GABRR3: variants seen among roughly 807,000 people sequenced by gnomAD.
The protein encoded by GABRR3 is gamma-aminobutyric acid type A receptor subunit rho3.
In GABRR3, 29 loss-of-function variants were observed where a neutral mutation model predicts 43.2. The observed-to-expected ratio is 0.67, with a 90% CI of 0.50 to 0.92. The LOEUF is 0.92. GABRR3 is among the 40% of genes least tolerant of loss of function. The probability of loss-of-function intolerance (pLI) is 0.00; values close to 1 mark genes in which losing one functional copy is unlikely to be tolerated. For missense variants in GABRR3, 576 were observed against 572.3 expected (o/e 1.01, Z -0.07); for synonymous variants, 206 against 195.9 (o/e 1.05, Z -0.43).
At chr3:98,033,711 G>C (rs1707119753) in intron 2 of GABRR3, among the ~76,000 whole-genome samples, 2 of 152,094 alleles carry the variant, frequency 1.3e-5, no homozygotes, top group African/African-American at 4.8e-5. Flanking sequence ...GAGTCTGGTG[G>C]TACACTCTTA....
intron 5 of GABRR3, among the ~76,000 whole-genome samples, chr3:98,010,840 C>G (rs1157120170): frequency 1.3e-5 from 2 of 152,234 alleles, no homozygotes; most frequent in Admixed American, 1.3e-4. Flanking sequence ...TGGCTCACAC[C>G]TGTAACGCCA....
chr3:97,986,753 G>A, exon 10 of GABRR3: 3 of 1,598,654 alleles, frequency 1.9e-6, no homozygotes, highest in Non-Finnish European at 2.6e-6. Context: ...CCTAGAATAG[G>A]TGTCAATGAC....
chr3:98,009,355 CTT>C (rs1706760344), intron 5 of GABRR3, among the ~76,000 whole-genome samples: 1 of 152,148 alleles, frequency 6.6e-6, no homozygotes, highest in Non-Finnish European at 1.5e-5. Context: ...AAGTGAGAGA[CTT>C]TTAAATAGAT....
At chr3:98,016,232 T>C (rs999666993) in intron 4 of GABRR3, among the ~76,000 whole-genome samples, 2 of 152,202 alleles carry the variant, frequency 1.3e-5, no homozygotes, top group Non-Finnish European at 2.9e-5. Flanking sequence ...TATTTAGGTC[T>C]TGACGGCAGA....
chr3:98,010,648 G>A (rs1446536036), intron 5 of GABRR3, among the ~76,000 whole-genome samples: 1 of 152,076 alleles, frequency 6.6e-6, no homozygotes, highest in Non-Finnish European at 1.5e-5. Context: ...GAATGTGCAG[G>A]GTAAGAAAAA....
intron 7 of GABRR3, among the ~76,000 whole-genome samples, chr3:98,005,119 A>G (rs1164453628): frequency 1.3e-5 from 2 of 152,088 alleles, no homozygotes; most frequent in East Asian, 3.8e-4. Context: ...TGTCATTAAA[A>G]AAAATGGGTA....
intron 2 of GABRR3, among the ~76,000 whole-genome samples, chr3:98,026,650 G>A (rs1204800389): frequency 1.3e-5 from 1 of 74,946 alleles, no homozygotes; most frequent in Non-Finnish European, 2.6e-5. Flanking sequence ...CATCATCATC[G>A]TGGGCAGCAG....
At position 98,012,579 on chromosome 3, in the gene GABRR3, G is replaced by A; in HGVS notation, c.307-12C>T. 1 of 1,568,670 alleles carries A rather than the reference G, an allele frequency of 6.4e-7. No individual in the cohort carries two copies. The highest frequency in any genetic ancestry group is 1.8e-5 in the Admixed American group (1 of 54,554). On this transcript the variant is annotated splice_polypyrimidine_tract_variant and intron_variant, in intron 4 of 9. Coordinates refer to ENST00000621172, the Ensembl canonical transcript of GABRR3. ...GTCATTGTAAAGTCCTAGACAGAGA[G>A]AAAAAGAGACCAAAAAAACCAGTAG... is the stretch of plus-strand genomic sequence containing the variant.
rs189487022 is a variant in GABRR3 at position 98,001,871 on chromosome 3, G to A, written c.755-104C>T. ...TTAGACTCCAAGCTCTTGGGGACAC[G>A]GAATTTGACAAACTCATCTCCATTT... On this transcript the variant is annotated intron_variant, in intron 7 of 9. Coordinates refer to ENST00000621172, the Ensembl canonical transcript of GABRR3. 38 of 1,242,014 alleles carry A rather than the reference G, an allele frequency of 3.1e-5. No homozygotes were observed. The Admixed American group carries it at 3.9e-4, about 13-fold the overall frequency. 76.9% of individuals were successfully genotyped at this position (1,242,014 alleles called of 1,614,324 possible).
At chr3:98,005,127 G>A (rs1182445618) in intron 7 of GABRR3, among the ~76,000 whole-genome samples, 1 of 150,976 alleles carries the variant, frequency 6.6e-6, no homozygotes, top group East Asian at 1.9e-4. Flanking sequence ...AAAAAAATGG[G>A]TATATTGTAA....
chr3:98,016,889 G>C (rs576129995), intron 4 of GABRR3, among the ~76,000 whole-genome samples: 1 of 152,168 alleles, frequency 6.6e-6, no homozygotes, highest in Admixed American at 6.5e-5. Context: ...AAAATAAAAT[G>C]GAAAATTACG....
At chr3:98,034,044 C>T (rs999262100) in intron 2 of GABRR3, among the ~76,000 whole-genome samples, 2 of 152,134 alleles carry the variant, frequency 1.3e-5, no homozygotes, top group Admixed American at 6.6e-5. Flanking sequence ...ACCCCATTGG[C>T]TGCCAGTGTT....
At chr3:97,988,205 C>G (rs1706411245) in intron 9 of GABRR3, among the ~76,000 whole-genome samples, 2 of 151,948 alleles carry the variant, frequency 1.3e-5, no homozygotes, top group South Asian at 4.2e-4. Flanking sequence ...GCACCCCCTA[C>G]AGAAGGACGC....
exon 2 of GABRR3, chr3:98,034,910 G>C (rs1423209414): frequency 6.2e-7 from 1 of 1,613,198 alleles, no homozygotes; most frequent in African/African-American, 1.3e-5. Flanking sequence ...TCATCTTGAT[G>C]TTAGAAGCAG....
intron 5 of GABRR3, among the ~76,000 whole-genome samples, chr3:98,009,589 G>A (rs1403420131): frequency 6.6e-6 from 1 of 152,206 alleles, no homozygotes; most frequent in Non-Finnish European, 1.5e-5. Context: ...CAAAAGGCTT[G>A]CATACTGATG....
chr3:98,032,102 G>GTATAA, intron 2 of GABRR3, among the ~76,000 whole-genome samples: 1 of 151,878 alleles, frequency 6.6e-6, no homozygotes, highest in South Asian at 2.1e-4. Context: ...GTATAGTATA[G>GTATAA]TATAGTATAG....
intron 7 of GABRR3, 111 bp from the exon 8 acceptor site, chr3:98,001,878 G>A: frequency 8.8e-7 from 1 of 1,136,200 alleles, no homozygotes; most frequent in Non-Finnish European, 1.3e-6. Context: ...CACGGAATTT[G>A]ACAAACTCAT....
At chr3:97,987,937 T>C (rs1706408558) in intron 9 of GABRR3, among the ~76,000 whole-genome samples, 1 of 151,806 alleles carries the variant, frequency 6.6e-6, no homozygotes, top group Admixed American at 6.6e-5. Flanking sequence ...ATCACTACAC[T>C]AGGCTAATTT....
At chr3:97,986,461 T>C (rs2107222009), downstream of GABRR3, among the ~76,000 whole-genome samples, 1 of 152,362 alleles carries the variant, frequency 6.6e-6, no homozygotes, top group East Asian at 1.9e-4. Context: ...AAAACTGTTT[T>C]TCCCATAATA....
Sources: allele counts gnomAD v4.1 joint callset (sites outside exome capture counted in the v4.1 genomes callset), GRCh38; gene constraint gnomAD v4.1.1; transcripts MANE v1.5; gene names NCBI Gene and HGNC (gene_info 2026-07-23, HGNC 2026-07-21).